PTPN13: variants seen among roughly 807,000 people sequenced by gnomAD.
PTPN13 encodes the protein protein tyrosine phosphatase non-receptor type 13.
A neutral mutation model predicts 284.0 loss-of-function variants in PTPN13; 191 were observed. That is an observed-to-expected ratio of 0.67 (90% CI 0.60 to 0.76). The LOEUF is 0.76. PTPN13 is among the 30% of genes least tolerant of loss of function. The pLI is 0.00. For missense variants in PTPN13, 2,797 were observed against 2,939.9 expected (o/e 0.95, Z 1.12); for synonymous variants, 986 against 1,022.3 (o/e 0.96, Z 0.68).
intron 40 of PTPN13, among the ~76,000 whole-genome samples, chr4:86,793,752 C>A (rs568627144): frequency 3.3e-4 from 51 of 152,324 alleles, no homozygotes; most frequent in Admixed American, 9.8e-4. Flanking sequence ...TCCTGAATGA[C>A]TACTGGGTAT....
chr4:86,753,826 G>C (rs905212331), intron 20 of PTPN13, among the ~76,000 whole-genome samples: 6 of 151,994 alleles, frequency 3.9e-5, no homozygotes, highest in African/African-American at 1.4e-4. Flanking sequence ...AAATGTTTCA[G>C]TCTTGGACTC....
At chr4:86,663,923 T>C (rs1219204299) in intron 2 of PTPN13, among the ~76,000 whole-genome samples, 1 of 152,164 alleles carries the variant, frequency 6.6e-6, no homozygotes, top group African/African-American at 2.4e-5. Flanking sequence ...CATACATACC[T>C]CATTTTATGT....
intron 32 of PTPN13, 87 bp downstream of exon 32, chr4:86,773,045 A>G (rs1157223178): frequency 3.5e-5 from 34 of 958,620 alleles, no homozygotes; most frequent in South Asian, 1.3e-4. Flanking sequence ...GGAAAAAGCT[A>G]TCTTTAAAAT....
At chr4:86,768,665 G>A (rs1236319029) in intron 28 of PTPN13, among the ~76,000 whole-genome samples, 1 of 148,470 alleles carries the variant, frequency 6.7e-6, no homozygotes, top group East Asian at 2.0e-4. Flanking sequence ...TAAAATTAAT[G>A]TACTCATTTT....
chr4:86,612,704 G>A (rs866922055), intron 1 of PTPN13, among the ~76,000 whole-genome samples: 98 of 152,230 alleles, frequency 6.4e-4, no homozygotes, highest in African/African-American at 2.0e-3. Context: ...AAAGAAAAAG[G>A]CAAGCGAGCA....
At chr4:86,660,124 C>T (rs1726310403) in intron 2 of PTPN13, among the ~76,000 whole-genome samples, 1 of 152,140 alleles carries the variant, frequency 6.6e-6, no homozygotes. Context: ...CAGCAATCAT[C>T]TCAAATTTAA....
chr4:86,644,710 T>C (rs1216154480), intron 2 of PTPN13, among the ~76,000 whole-genome samples: 2 of 152,150 alleles, frequency 1.3e-5, no homozygotes, highest in African/African-American at 4.8e-5. Context: ...TTGAGAAAAC[T>C]TTAATTAATT....
intron 6 of PTPN13, 127 bp from the exon 7 acceptor site, chr4:86,701,114 T>C (rs1342297798): frequency 1.5e-6 from 1 of 669,782 alleles, no homozygotes; most frequent in Non-Finnish European, 2.4e-6. Flanking sequence ...CACCATCCCA[T>C]TTCACCTCTG....
intron 1 of PTPN13, among the ~76,000 whole-genome samples, chr4:86,600,671 A>G (rs1031029222): frequency 1.1e-4 from 16 of 152,100 alleles, no homozygotes; most frequent in Middle Eastern, 3.4e-3. Context: ...AAGATATTCA[A>G]AGTTGTGTTC....
chr4:86,795,278 A>G (rs191383388), intron 40 of PTPN13, among the ~76,000 whole-genome samples: 1 of 152,388 alleles, frequency 6.6e-6, no homozygotes, highest in East Asian at 1.9e-4. Flanking sequence ...GCCAACAGAC[A>G]TATGAAAAAA....
At position 86,780,397 on chromosome 4, in the gene PTPN13, C is replaced by A. The variant is rs1239278481; in HGVS notation, c.5892-5C>A. 1.9e-6 allele frequency: 3 copies of A among 1,605,280 alleles called. No homozygotes were observed. In the Admixed American group the frequency reaches 5.1e-5, roughly 27 times the overall value. ...AATTTACAGTTGTCTTTTTTTACAA[C>A]ACAGAAATGATCTTCCAGTGGTCCC... is the stretch of plus-strand genomic sequence containing the variant. On this transcript the variant is annotated splice_region_variant and splice_polypyrimidine_tract_variant and intron_variant, in intron 35 of 47. Transcript: ENST00000411767.
intron 1 of PTPN13, among the ~76,000 whole-genome samples, chr4:86,607,209 T>C (rs1400491436): frequency 6.6e-6 from 1 of 151,886 alleles, no homozygotes; most frequent in African/African-American, 2.4e-5. Flanking sequence ...ATCATAAAGA[T>C]TTTTATATAT....
At chr4:86,705,969 G>A (rs1213227439) in intron 7 of PTPN13, among the ~76,000 whole-genome samples, 3 of 152,150 alleles carry the variant, frequency 2.0e-5, no homozygotes, top group African/African-American at 7.2e-5. Flanking sequence ...TCCAACCTCT[G>A]ATAATATAGC....
At chr4:86,645,594 CA>C (rs989660543) in intron 2 of PTPN13, among the ~76,000 whole-genome samples, 2 of 151,850 alleles carry the variant, frequency 1.3e-5, no homozygotes, top group Admixed American at 6.6e-5. Flanking sequence ...ATATGGAATA[CA>C]AAATTTAACA....
intron 40 of PTPN13, among the ~76,000 whole-genome samples, chr4:86,792,399 G>A (rs1300184781): frequency 1.3e-5 from 2 of 152,288 alleles, no homozygotes; most frequent in African/African-American, 4.8e-5. Flanking sequence ...TACCGGAAAG[G>A]ACAGGCAGAA....
chr4:86,618,265 T>G (rs985426655), intron 1 of PTPN13, among the ~76,000 whole-genome samples: 3 of 152,224 alleles, frequency 2.0e-5, no homozygotes, highest in African/African-American at 7.2e-5. Flanking sequence ...CTGAGGGCTC[T>G]GTTCTGTTCC....
chr4:86,771,589 G>A, intron 31 of PTPN13, 54 bp downstream of exon 31: 2 of 1,461,508 alleles, frequency 1.4e-6, no homozygotes, highest in East Asian at 4.8e-5. Flanking sequence ...GTTAGTAGCA[G>A]TAGCAGCAAC....
At chr4:86,614,886 C>G (rs1434954958) in intron 1 of PTPN13, among the ~76,000 whole-genome samples, 1 of 151,952 alleles carries the variant, frequency 6.6e-6, no homozygotes, top group African/African-American at 2.4e-5. Context: ...AGAAAAAAAC[C>G]TGGTTGTATT....
intron 1 of PTPN13, among the ~76,000 whole-genome samples, chr4:86,617,434 T>C (rs192074047): frequency 2.2e-4 from 33 of 152,310 alleles, no homozygotes; most frequent in Admixed American, 4.6e-4. Flanking sequence ...TTTTACTTTT[T>C]TAAATTATAT....
Sources: allele counts gnomAD v4.1 joint callset (sites outside exome capture counted in the v4.1 genomes callset), GRCh38; gene constraint gnomAD v4.1.1; transcripts MANE v1.5; gene names NCBI Gene and HGNC (gene_info 2026-07-23, HGNC 2026-07-21).